The following PACS1 variants were observed in gnomAD, a reference collection of about 807,000 sequenced individuals.
PACS1 encodes PACS-1.
Under a neutral mutation model 115.0 loss-of-function variants are expected in PACS1, and 24 were observed. The observed-to-expected ratio is 0.21, with a 90% CI of 0.15 to 0.29. The LOEUF is 0.29. Among genes scored for constraint, PACS1 ranks in the 10% least tolerant of loss-of-function variants. The pLI is 1.00. For missense variants in PACS1, 838 were observed against 1,251.2 expected, an observed-to-expected ratio of 0.67 and a Z score of 4.98; for synonymous variants, 453 against 504.5, an observed-to-expected ratio of 0.90 and a Z score of 1.37.
intron 1 of PACS1, among the ~76,000 whole-genome samples, chr11:66,183,388 C>T (rs948345660): frequency 2.0e-5 from 3 of 152,116 alleles, no homozygotes; most frequent in Non-Finnish European, 4.4e-5. Flanking sequence ...CAATTTTTTT[C>T]TCTTGGTTTA....
intron 1 of PACS1, among the ~76,000 whole-genome samples, chr11:66,126,942 G>A (rs376764407): frequency 2.8e-4 from 43 of 152,274 alleles, no homozygotes; most frequent in East Asian, 1.9e-3. Context: ...ATCAAAGCAG[G>A]AAGAAGGGGA....
intron 1 of PACS1, among the ~76,000 whole-genome samples, chr11:66,167,119 C>A (rs1459314971): frequency 6.7e-6 from 1 of 150,280 alleles, no homozygotes; most frequent in Non-Finnish European, 1.5e-5. Flanking sequence ...ATTTTGATTT[C>A]AATTTGCATT....
intron 21 of PACS1, 76 bp downstream of exon 21, chr11:66,239,353 G>A: frequency 6.6e-7 from 1 of 1,513,112 alleles, no homozygotes; most frequent in Non-Finnish European, 8.9e-7. Flanking sequence ...ACAGGCGCAT[G>A]GGCTTAGAAG....
At chr11:66,238,415 A>G (rs910098996) in intron 19 of PACS1, 12 of 879,472 alleles carry the variant, frequency 1.4e-5, no homozygotes, top group African/African-American at 1.8e-5. Flanking sequence ...CATTGTTGCA[A>G]CTAGGTTTTG....
chr11:66,079,295 T>C (rs1328899558), intron 1 of PACS1, among the ~76,000 whole-genome samples: 1 of 141,726 alleles, frequency 7.1e-6, no homozygotes, highest in Admixed American at 7.4e-5. Flanking sequence ...AGACATTCTT[T>C]GTAGCAGGTT....
intron 1 of PACS1, among the ~76,000 whole-genome samples, chr11:66,189,376 G>A (rs763887237): frequency 9.9e-5 from 15 of 152,164 alleles, no homozygotes; most frequent in Non-Finnish European, 1.6e-4. Context: ...ATGAGGTGCC[G>A]TGGCATAAAG....
chr11:66,223,779 G>A (rs1855410425), intron 10 of PACS1, among the ~76,000 whole-genome samples: 1 of 152,186 alleles, frequency 6.6e-6, no homozygotes, highest in South Asian at 2.1e-4. Context: ...ACCTAACACT[G>A]TGGATGTTCA....
chr11:66,125,675 T>C (rs1257420942), intron 1 of PACS1, among the ~76,000 whole-genome samples: 3 of 152,184 alleles, frequency 2.0e-5, no homozygotes, highest in African/African-American at 7.2e-5. Context: ...TATGCCTGTG[T>C]AGATAAAATA....
chr11:66,123,266 A>T (rs1858487440), intron 1 of PACS1, among the ~76,000 whole-genome samples: 1 of 148,408 alleles, frequency 6.7e-6, no homozygotes, highest in Admixed American at 6.9e-5. Flanking sequence ...GTCTTGGCTC[A>T]CTGCAACCTC....
chr11:66,104,460 A>G (rs943936681), intron 1 of PACS1, among the ~76,000 whole-genome samples: 32 of 152,308 alleles, frequency 2.1e-4, no homozygotes, highest in African/African-American at 7.2e-4. Flanking sequence ...CTGGAATACA[A>G]CCACACCCAT....
chr11:66,162,670 T>G (rs911256698), intron 1 of PACS1, among the ~76,000 whole-genome samples: 3 of 152,252 alleles, frequency 2.0e-5, no homozygotes, highest in Non-Finnish European at 2.9e-5. Context: ...ATGGTTGTCT[T>G]AAACCACCAA....
intron 1 of PACS1, among the ~76,000 whole-genome samples, chr11:66,143,589 C>A (rs1430158467): frequency 1.3e-5 from 2 of 152,142 alleles, no homozygotes; most frequent in Non-Finnish European, 1.5e-5. Context: ...TGATTTTTGC[C>A]CTGATTTAAC....
intron 10 of PACS1, among the ~76,000 whole-genome samples, chr11:66,226,688 G>C (rs1855475297): frequency 6.6e-6 from 1 of 152,160 alleles, no homozygotes; most frequent in South Asian, 2.1e-4. Context: ...TTGACTCAGA[G>C]AAAGGACTTT....
chr11:66,108,060 G>A (rs1324174025), intron 1 of PACS1, among the ~76,000 whole-genome samples: 1 of 152,128 alleles, frequency 6.6e-6, no homozygotes, highest in African/African-American at 2.4e-5. Flanking sequence ...ACCCAGCAAG[G>A]CTCATTTTCT....
chr11:66,227,323 C>G (rs147687180), intron 10 of PACS1, among the ~76,000 whole-genome samples, 181 bp from the exon 11 acceptor site: 41 of 152,244 alleles, frequency 2.7e-4, no homozygotes, highest in African/African-American at 9.9e-4. Context: ...ACTGATCCCT[C>G]CAAAACCTGG....
intron 1 of PACS1, among the ~76,000 whole-genome samples, chr11:66,145,441 A>G (rs1859098653): frequency 6.6e-6 from 1 of 152,214 alleles, no homozygotes; most frequent in Non-Finnish European, 1.5e-5. Context: ...GAAGGCCAAC[A>G]GTTCTGGTAG....
intron 1 of PACS1, among the ~76,000 whole-genome samples, chr11:66,074,888 A>G (rs964495084): frequency 6.6e-6 from 1 of 150,848 alleles, no homozygotes; most frequent in Non-Finnish European, 1.5e-5. Flanking sequence ...CTTACTATAT[A>G]CTAGGACAAA....
chr11:66,079,336 G>A (rs1590729574), intron 1 of PACS1, among the ~76,000 whole-genome samples: 1 of 125,960 alleles, frequency 7.9e-6, no homozygotes, highest in East Asian at 2.2e-4. Context: ...GTTTATTGCT[G>A]GGAAAAGGTC....
At chr11:66,133,722 C>T (rs1858758191) in intron 1 of PACS1, among the ~76,000 whole-genome samples, 1 of 152,204 alleles carries the variant, frequency 6.6e-6, no homozygotes, top group Admixed American at 6.5e-5. Flanking sequence ...TCAGACTGGT[C>T]TGAAACTTCT....
Sources: gnomAD v4.1 joint callset for allele counts (sites outside exome capture counted in the v4.1 genomes callset) on GRCh38, gnomAD v4.1.1 for gene constraint, MANE v1.5 for transcripts, NCBI Gene and HGNC (gene_info 2026-07-23, HGNC 2026-07-21) for gene names.